The following ATF6 variants were observed in gnomAD, a reference collection of about 807,000 sequenced individuals.
The protein encoded by ATF6 is cyclic AMP-dependent transcription factor ATF-6 alpha.
A neutral mutation model predicts 83.6 loss-of-function variants in ATF6; 53 were observed. The ratio of observed to expected loss-of-function variants is 0.63; its 90% CI spans 0.51 to 0.80. The LOEUF (loss-of-function observed/expected upper bound fraction) is 0.80. Ranked by LOEUF, ATF6 falls within the 30% of genes least tolerant of loss-of-function variation. ATF6 has a pLI of 0.00. For missense variants in ATF6, 744 were observed against 797.9 expected, an observed-to-expected ratio of 0.93 and a Z score of 0.81; for synonymous variants, 288 against 285.8, an observed-to-expected ratio of 1.01 and a Z score of -0.08.
At chr1:161,879,010 A>G (rs1174796606) in intron 14 of ATF6, among the ~76,000 whole-genome samples, 4 of 152,162 alleles carry the variant, frequency 2.6e-5, no homozygotes, top group East Asian at 1.9e-4. Flanking sequence ...GAAGAAAGCA[A>G]TGTTAAAAGA....
At chr1:161,823,208 C>T (rs1414886434) in intron 9 of ATF6, among the ~76,000 whole-genome samples, 5 of 151,340 alleles carry the variant, frequency 3.3e-5, no homozygotes, top group South Asian at 4.2e-4. Context: ...AATAATAAAC[C>T]GTAAACCATT....
At chr1:161,795,150 A>T (rs1684985432) in intron 6 of ATF6, among the ~76,000 whole-genome samples, 2 of 152,090 alleles carry the variant, frequency 1.3e-5, no homozygotes, top group Non-Finnish European at 2.9e-5. Flanking sequence ...AAAAAAAATG[A>T]CAGATGTATT....
At chr1:161,930,637 C>T (rs770280704) in intron 15 of ATF6, among the ~76,000 whole-genome samples, 1 of 151,972 alleles carries the variant, frequency 6.6e-6, no homozygotes, top group Non-Finnish European at 1.5e-5. Flanking sequence ...TTAAAGTAAA[C>T]CAAATAAATA....
intron 6 of ATF6, among the ~76,000 whole-genome samples, chr1:161,796,070 T>C (rs1384267988): frequency 2.0e-5 from 3 of 148,756 alleles, no homozygotes; most frequent in Non-Finnish European, 4.4e-5. Flanking sequence ...GGCCTTGCCT[T>C]GGTATTCTTC....
intron 7 of ATF6, among the ~76,000 whole-genome samples, chr1:161,807,996 C>G (rs1400814801): frequency 6.7e-6 from 1 of 149,084 alleles, no homozygotes; most frequent in East Asian, 2.0e-4. Flanking sequence ...TCTCCTGCCT[C>G]AGCCTCCTGA....
At chr1:161,843,289 CT>C (rs35375131) in intron 9 of ATF6, among the ~76,000 whole-genome samples, 96,452 of 151,798 alleles carry the variant, frequency 0.64, 33,187 homozygotes, top group Middle Eastern at 0.76. Flanking sequence ...TGGGAATTGA[CT>C]TTTTTTTTGT....
intron 15 of ATF6, among the ~76,000 whole-genome samples, chr1:161,941,102 G>A (rs891146423): frequency 4.6e-5 from 7 of 152,140 alleles, no homozygotes; most frequent in Non-Finnish European, 1.0e-4. Flanking sequence ...ATTGATCATG[G>A]GAACAAACTC....
At chr1:161,860,424 G>GTA (rs144003510) in intron 13 of ATF6, 147 bp downstream of exon 13, 147 of 227,056 alleles carry the variant, frequency 6.5e-4, no homozygotes, top group South Asian at 2.0e-3. Context: ...ATATATATAT[G>GTA]TATATATATA....
At chr1:161,831,867 C>T (rs1247689741) in intron 9 of ATF6, among the ~76,000 whole-genome samples, 8 of 151,358 alleles carry the variant, frequency 5.3e-5, no homozygotes, top group African/African-American at 1.9e-4. Flanking sequence ...ATGGGTGCAG[C>T]ACACCAATGT....
chr1:161,768,562 T>G (rs541011786), intron 1 of ATF6, among the ~76,000 whole-genome samples: 1 of 152,186 alleles, frequency 6.6e-6, no homozygotes, highest in South Asian at 2.1e-4. Flanking sequence ...ATTTTGTTGT[T>G]GTTGTTGTTG....
intron 14 of ATF6, among the ~76,000 whole-genome samples, chr1:161,883,973 A>AT (rs1418805143): frequency 1.1e-4 from 17 of 152,118 alleles, no homozygotes; most frequent in African/African-American, 4.1e-4. Flanking sequence ...AGTTTATCTT[A>AT]TTTTTCATTA....
chr1:161,817,945 A>G (rs1221272453), intron 7 of ATF6, among the ~76,000 whole-genome samples: 6 of 151,816 alleles, frequency 4.0e-5, no homozygotes, highest in African/African-American at 9.7e-5. Flanking sequence ...AAAATACACA[A>G]ACAAAATTAG....
At chr1:161,941,729 C>A (rs1688648245) in intron 15 of ATF6, among the ~76,000 whole-genome samples, 1 of 152,122 alleles carries the variant, frequency 6.6e-6, no homozygotes, top group Non-Finnish European at 1.5e-5. Flanking sequence ...TTATAAGAAG[C>A]AGATTAGGAT....
intron 14 of ATF6, among the ~76,000 whole-genome samples, chr1:161,903,899 A>C (rs554668819): frequency 6.6e-6 from 1 of 152,320 alleles, no homozygotes; most frequent in South Asian, 2.1e-4. Flanking sequence ...ATCACCAGGG[A>C]TACTTGTTAA....
intron 12 of ATF6, among the ~76,000 whole-genome samples, chr1:161,858,364 T>C (rs1340171050): frequency 6.6e-6 from 1 of 152,104 alleles, no homozygotes; most frequent in Non-Finnish European, 1.5e-5. Context: ...GATCCAACTA[T>C]ATATTGTTTA....
At position 161,903,011 on chromosome 1, in the gene ATF6, C is replaced by T. The variant is rs115548413; in HGVS notation, c.1720-9285C>T. ...TCTTTATCTACCTCTTTTCATCTTT[C>T]CAACTTCCAGACCTTTTTTTTCTGC... On this transcript the variant is annotated intron_variant, in intron 14 of 15. Coordinates refer to ENST00000367942, the MANE Select transcript of ATF6 (RefSeq NM_007348.4). Among the ~76,000 whole-genome samples, 1,399 of 152,250 alleles carry T rather than the reference C, an allele frequency of 9.2e-3. 11 individuals carry two copies. The highest frequency in any genetic ancestry group is 0.015 in the Non-Finnish European group (1,016 of 68,000).
intron 2 of ATF6, among the ~76,000 whole-genome samples, chr1:161,779,343 T>G (rs1363974719): frequency 6.6e-6 from 1 of 152,242 alleles, no homozygotes; most frequent in African/African-American, 2.4e-5. Context: ...ATTCCTGATT[T>G]TACAACTAAC....
chr1:161,911,823 T>TA lies in ATF6; in HGVS notation c.1720-464dup, dbSNP rs35463316. On this transcript the variant is annotated intron_variant, in intron 14 of 15. Transcript: ENST00000367942. ...GATGGGAAAAAGAGTTTATTGCCTT[T>TA]AAAAAAAAAGTTTGAGAATGACTGT... Among the ~76,000 whole-genome samples, 4 of 151,604 alleles carry TA rather than the reference T, an allele frequency of 2.6e-5. No individual in the cohort carries two copies. The South Asian group carries it at 6.2e-4, about 24-fold the overall frequency.
rs1684323884 is a variant in ATF6, at chr1:161,768,749, T to C, written c.82+2307T>C. Among the ~76,000 whole-genome samples the C allele has an allele frequency of 2.0e-5, 3 of 152,090 alleles. No homozygotes were observed. The South Asian group carries it at 6.2e-4, about 31-fold the overall frequency. Reference sequence around the variant, plus strand: ...GCCTGGTTAATTTTTAATTTTTGAATTTTTTGTAGAGACAGGGGTCTTGCT... The same window carrying C: ...GCCTGGTTAATTTTTAATTTTTGAACTTTTTGTAGAGACAGGGGTCTTGCT... On this transcript the variant is annotated intron_variant, in intron 1 of 15. Coordinates refer to ENST00000367942, the MANE Select transcript of ATF6 (RefSeq NM_007348.4).
Sources: allele counts gnomAD v4.1 joint callset (sites outside exome capture counted in the v4.1 genomes callset), GRCh38; gene constraint gnomAD v4.1.1; transcripts MANE v1.5; gene names NCBI Gene and HGNC (gene_info 2026-07-23, HGNC 2026-07-21).